Variants in EVI5 observed in about 807,000 individuals in gnomAD.
EVI5 encodes ecotropic viral integration site 5 protein homolog.
EVI5 carries 73 observed loss-of-function variants against 112.0 expected under a neutral mutation model. That is an observed-to-expected ratio of 0.65 (90% CI 0.54 to 0.79). The LOEUF is 0.79. EVI5 is among the 30% of genes least tolerant of loss of function. The pLI is 0.00. For synonymous variants in EVI5, 305 were observed against 319.9 expected (o/e 0.95, Z 0.50); for missense variants, 900 against 968.8 (o/e 0.93, Z 0.94).
At chr1:92,715,112 TCTC>T (rs1019585626) in intron 2 of EVI5, among the ~76,000 whole-genome samples, 12 of 152,052 alleles carry the variant, frequency 7.9e-5, no homozygotes, top group African/African-American at 2.4e-4. Context: ...TTCAAACAAT[TCTC>T]CTGTCTCAGC....
At chr1:92,774,856 A>T (rs1171725678) in intron 1 of EVI5, among the ~76,000 whole-genome samples, 2 of 152,202 alleles carry the variant, frequency 1.3e-5, no homozygotes, top group Non-Finnish European at 2.9e-5. Flanking sequence ...GTAAACAGCT[A>T]AAAATGCAAA....
At chr1:92,631,568 A>G (rs926196835) in intron 14 of EVI5, among the ~76,000 whole-genome samples, 1 of 152,338 alleles carries the variant, frequency 6.6e-6, no homozygotes, top group Non-Finnish European at 1.5e-5. Flanking sequence ...TATCAGCTTA[A>G]GGAGATTCTG....
intron 18 of EVI5, among the ~76,000 whole-genome samples, chr1:92,601,794 A>G (rs1649233437): frequency 6.6e-6 from 1 of 152,238 alleles, no homozygotes; most frequent in Non-Finnish European, 1.5e-5. Flanking sequence ...ATTTCATTTT[A>G]AACAAAAATC....
intron 2 of EVI5, among the ~76,000 whole-genome samples, chr1:92,726,707 T>G (rs11578004): frequency 1.3e-5 from 2 of 152,054 alleles, no homozygotes; most frequent in Non-Finnish European, 1.5e-5. Context: ...TAATTGACTG[T>G]TGAGTTAAAA....
intron 10 of EVI5, among the ~76,000 whole-genome samples, chr1:92,676,459 C>T (rs1397306102): frequency 6.6e-6 from 1 of 152,030 alleles, no homozygotes; most frequent in Non-Finnish European, 1.5e-5. Flanking sequence ...GTGAATTGGC[C>T]AATCACTAAG....
At chr1:92,585,354 T>C (rs1672613651) in intron 18 of EVI5, among the ~76,000 whole-genome samples, 1 of 151,916 alleles carries the variant, frequency 6.6e-6, no homozygotes, top group Non-Finnish European at 1.5e-5. Context: ...TAGCAGGGCA[T>C]GGTGGGGTGT....
chr1:92,703,686 T>G, intron 3 of EVI5, 67 bp from the exon 4 acceptor site: 1 of 931,898 alleles, frequency 1.1e-6, no homozygotes, highest in Non-Finnish European at 1.6e-6. Context: ...CAAGGAAGAC[T>G]TATTAGGGGG....
intron 1 of EVI5, chr1:92,756,506 C>A: frequency 1.9e-6 from 1 of 535,308 alleles, no homozygotes; most frequent in Non-Finnish European, 3.8e-6. Context: ...CATCTTACTG[C>A]TTACTCCTGG....
chr1:92,643,599 T>C (rs1660402072), intron 13 of EVI5, among the ~76,000 whole-genome samples: 1 of 152,138 alleles, frequency 6.6e-6, no homozygotes, highest in Non-Finnish European at 1.5e-5. Context: ...AAACTAACAA[T>C]ATTAGGTTCA....
intron 2 of EVI5, among the ~76,000 whole-genome samples, chr1:92,715,434 G>A (rs1390050502): frequency 1.3e-5 from 2 of 152,146 alleles, no homozygotes; most frequent in African/African-American, 4.8e-5. Context: ...ATTTCTTCAA[G>A]TTCTTGTCAA....
At chr1:92,595,741 C>T (rs1208814645) in intron 18 of EVI5, among the ~76,000 whole-genome samples, 1 of 152,080 alleles carries the variant, frequency 6.6e-6, no homozygotes, top group Non-Finnish European at 1.5e-5. Flanking sequence ...AAGTAGGCAA[C>T]AATTCGAGCA....
intron 17 of EVI5, among the ~76,000 whole-genome samples, chr1:92,606,003 A>C (rs1650288590): frequency 6.6e-6 from 1 of 152,214 alleles, no homozygotes; most frequent in African/African-American, 2.4e-5. Context: ...ACTAGGTGCT[A>C]GGGTAACAAT....
rs148717167 is a variant in EVI5, at chr1:92,663,681, C to T, written c.1213-229G>A. ...AAAATCATGTGTTTCCAGAAGATAC[C>T]AAACACAAATTCCAAGTGGGTTTTC... On this transcript the variant is annotated intron_variant, in intron 11 of 19. Transcript: ENST00000684568. 1.3e-3 allele frequency among the ~76,000 whole-genome samples: 192 copies of T among 151,954 alleles called. 1 individual carries two copies. Among genetic ancestry groups the T allele is most frequent in the South Asian group, 2.9e-3 (14 of 4,802 alleles).
At chr1:92,725,039 T>C (rs1248036764) in intron 2 of EVI5, among the ~76,000 whole-genome samples, 1 of 152,040 alleles carries the variant, frequency 6.6e-6, no homozygotes, top group African/African-American at 2.4e-5. Context: ...ATAAACCATA[T>C]TTCAGGTACT....
chr1:92,554,924 T>C (rs1215194740), intron 19 of EVI5, among the ~76,000 whole-genome samples: 1 of 152,144 alleles, frequency 6.6e-6, no homozygotes, highest in Non-Finnish European at 1.5e-5. Flanking sequence ...GAGGCTGCAG[T>C]GAGTGGTGAT....
intron 2 of EVI5, among the ~76,000 whole-genome samples, chr1:92,724,823 T>C (rs1160148083): frequency 6.6e-6 from 1 of 151,656 alleles, no homozygotes; most frequent in Non-Finnish European, 1.5e-5. Flanking sequence ...AAAATAAATA[T>C]ATATATAAAT....
intron 1 of EVI5, among the ~76,000 whole-genome samples, chr1:92,772,378 C>T (rs917774004): frequency 1.3e-5 from 2 of 151,404 alleles, no homozygotes; most frequent in East Asian, 2.0e-4. Context: ...GGGCTGATCA[C>T]GAGGTCAGGA....
chr1:92,763,791 C>T lies in EVI5; in HGVS notation c.-82+21045G>A, dbSNP rs114924123. Among the ~76,000 whole-genome samples, 1,093 of 151,930 alleles carry T rather than the reference C, an allele frequency of 7.2e-3. 13 individuals are homozygous for T. The highest frequency in any genetic ancestry group is 0.025 in the African/African-American group (1,027 of 41,448). On this transcript the variant is annotated intron_variant, in intron 1 of 19. Coordinates refer to ENST00000684568, the MANE Select transcript of EVI5 (RefSeq NM_001350197.2). ...CCAGCCTAGGTGACAGAGGGAGTCT[C>T]TTAAAAAATAAATAATAAAATTTAC... is the stretch of plus-strand genomic sequence containing the variant.
intron 4 of EVI5, 75 bp from the exon 5 acceptor site, chr1:92,702,290 AAGACAGAC>A: frequency 1.4e-6 from 1 of 719,578 alleles, no homozygotes; most frequent in Non-Finnish European, 2.3e-6. Context: ...TAAAATTGGC[AAGACAGAC>A]AGATTAAAAA....
Sources: allele counts gnomAD v4.1 joint callset (sites outside exome capture counted in the v4.1 genomes callset), GRCh38; gene constraint gnomAD v4.1.1; transcripts MANE v1.5; gene names NCBI Gene and HGNC (gene_info 2026-07-23, HGNC 2026-07-21).